Variants in PRKG1 observed in about 807,000 individuals in gnomAD.
The protein encoded by PRKG1 is cGMP-dependent protein kinase 1.
Under a neutral mutation model 88.1 loss-of-function variants are expected in PRKG1, and 35 were observed. The observed-to-expected ratio is 0.40, with a 90% CI of 0.30 to 0.53. The LOEUF (loss-of-function observed/expected upper bound fraction) is 0.53, where lower values mean the gene tolerates loss of function less well. PRKG1 is among the 20% of genes least tolerant of loss of function. The pLI is 0.59. For missense variants in PRKG1, 540 were observed against 839.8 expected, an observed-to-expected ratio of 0.64 and a Z score of 4.41; for synonymous variants, 303 against 292.5, an observed-to-expected ratio of 1.04 and a Z score of -0.37.
intron 7 of PRKG1, among the ~76,000 whole-genome samples, chr10:52,105,031 T>G (rs1378207770): frequency 6.6e-6 from 1 of 152,212 alleles, no homozygotes; most frequent in Non-Finnish European, 1.5e-5. Context: ...ATAAATATAA[T>G]GGACAACTAA....
chr10:51,801,770 T>C (rs1229121664), intron 3 of PRKG1, among the ~76,000 whole-genome samples: 3 of 152,136 alleles, frequency 2.0e-5, no homozygotes, highest in Admixed American at 1.3e-4. Context: ...GTTTCATGCA[T>C]TGAAGTTGTT....
At chr10:51,568,084 G>A (rs1195554116) in intron 3 of PRKG1, among the ~76,000 whole-genome samples, 2 of 151,944 alleles carry the variant, frequency 1.3e-5, no homozygotes, top group Non-Finnish European at 2.9e-5. Context: ...AAATGGGAAG[G>A]TGAATCATGG....
intron 3 of PRKG1, among the ~76,000 whole-genome samples, chr10:51,558,819 TG>T (rs1837381772): frequency 6.6e-6 from 1 of 152,094 alleles, no homozygotes; most frequent in South Asian, 2.1e-4. Flanking sequence ...ATCTCTGTCT[TG>T]TCTTCAGCAT....
chr10:51,619,731 T>C (rs115229878), intron 3 of PRKG1, among the ~76,000 whole-genome samples: 6,112 of 152,244 alleles, frequency 0.04, 171 homozygotes, highest in Middle Eastern at 0.082. Context: ...TTAAAAGATT[T>C]TAGAGATTAT....
intron 2 of PRKG1, among the ~76,000 whole-genome samples, chr10:51,275,791 A>C (rs761997046): frequency 1.3e-5 from 2 of 151,992 alleles, no homozygotes; most frequent in Non-Finnish European, 2.9e-5. Context: ...GCAAGACGTT[A>C]CTCTATCTTG....
At position 52,019,300 on chromosome 10, in the gene PRKG1, A is replaced by G. The variant is rs535727734; in HGVS notation, c.763-35184A>G. Among the ~76,000 whole-genome samples the G allele has an allele frequency of 5.3e-5, 8 of 152,276 alleles. No individual in the cohort carries two copies. The South Asian group carries it at 1.7e-3, about 32-fold the overall frequency. ...GAGGTTTGTGAGGGACAAACATCCA[A>G]ACTATAGCAGGATCCTACCCTCTTA... On this transcript the variant is annotated intron_variant, in intron 5 of 17. Coordinates refer to ENST00000373980, the MANE Select transcript of PRKG1 (RefSeq NM_006258.4).
chr10:51,882,577 G>T (rs1042177202), intron 4 of PRKG1, among the ~76,000 whole-genome samples: 1 of 152,116 alleles, frequency 6.6e-6, no homozygotes, highest in Admixed American at 6.5e-5. Flanking sequence ...ACTTAAAATG[G>T]AAATATGCAA....
At chr10:51,915,432 C>G (rs1842318242) in intron 5 of PRKG1, among the ~76,000 whole-genome samples, 2 of 152,170 alleles carry the variant, frequency 1.3e-5, no homozygotes, top group Non-Finnish European at 2.9e-5. Context: ...CTAACATGCT[C>G]TGAGTTTGGA....
chr10:51,224,295 G>C (rs936516796), intron 2 of PRKG1, among the ~76,000 whole-genome samples: 1 of 152,204 alleles, frequency 6.6e-6, no homozygotes, highest in Non-Finnish European at 1.5e-5. Flanking sequence ...TCAGAGAAAG[G>C]TGTGTCCACC....
intron 8 of PRKG1, among the ~76,000 whole-genome samples, chr10:52,136,474 G>T (rs1208657190): frequency 6.6e-6 from 1 of 151,928 alleles, no homozygotes; most frequent in Non-Finnish European, 1.5e-5. Context: ...TGAGACTAAG[G>T]CTTTTCCCTA....
intron 2 of PRKG1, among the ~76,000 whole-genome samples, chr10:51,213,089 G>T (rs1589249297): frequency 1.3e-5 from 2 of 152,100 alleles, no homozygotes; most frequent in Non-Finnish European, 2.9e-5. Context: ...TGATAGACTG[G>T]ATTAAGAAAA....
At chr10:51,866,135 C>A (rs949805675) in intron 4 of PRKG1, among the ~76,000 whole-genome samples, 1 of 151,678 alleles carries the variant, frequency 6.6e-6, no homozygotes, top group East Asian at 1.9e-4. Flanking sequence ...AAAACATCAT[C>A]GCTTATTTTT....
chr10:52,031,514 T>A (rs1845473760), intron 5 of PRKG1, among the ~76,000 whole-genome samples: 1 of 152,226 alleles, frequency 6.6e-6, no homozygotes, highest in Non-Finnish European at 1.5e-5. Flanking sequence ...GTAGAGTATT[T>A]GTTAGCAATA....
chr10:52,293,756 T>C (rs758984227), intron 17 of PRKG1, 46 bp from the exon 18 acceptor site: 21 of 1,492,838 alleles, frequency 1.4e-5, no homozygotes, highest in Non-Finnish European at 1.9e-5. Flanking sequence ...AGCTTGGAAT[T>C]CCACTAAAAA....
chr10:51,477,367 T>C (rs1840227014), intron 3 of PRKG1, among the ~76,000 whole-genome samples: 1 of 151,012 alleles, frequency 6.6e-6, no homozygotes, highest in Non-Finnish European at 1.5e-5. Flanking sequence ...AGAAAAATTA[T>C]TCTCGACTCT....
chr10:51,565,547 G>C (rs1837578945), intron 3 of PRKG1, among the ~76,000 whole-genome samples: 1 of 152,108 alleles, frequency 6.6e-6, no homozygotes, highest in African/African-American at 2.4e-5. Flanking sequence ...GAAGCCTGAA[G>C]GTGAATTATC....
chr10:51,042,935 C>G (rs1198561831), intron 1 of PRKG1, among the ~76,000 whole-genome samples: 1 of 152,158 alleles, frequency 6.6e-6, no homozygotes, highest in African/African-American at 2.4e-5. Flanking sequence ...ATCTATGAAC[C>G]AGGAAGTAGG....
At chr10:51,754,759 C>T (rs893047745) in intron 3 of PRKG1, among the ~76,000 whole-genome samples, 2 of 152,146 alleles carry the variant, frequency 1.3e-5, no homozygotes, top group Non-Finnish European at 2.9e-5. Flanking sequence ...TTCAAAGTAA[C>T]TTTTAGGTTA....
At chr10:51,496,644 C>G (rs1409868987) in intron 3 of PRKG1, among the ~76,000 whole-genome samples, 1 of 152,142 alleles carries the variant, frequency 6.6e-6, no homozygotes, top group Non-Finnish European at 1.5e-5. Context: ...AGAAACGCCT[C>G]AGTGTTCAGA....
Sources: allele counts gnomAD v4.1 joint callset (sites outside exome capture counted in the v4.1 genomes callset), GRCh38; gene constraint gnomAD v4.1.1; transcripts MANE v1.5; gene names NCBI Gene and HGNC (gene_info 2026-07-23, HGNC 2026-07-21).